The following MRPL3 variants were observed in gnomAD, a reference collection of about 807,000 sequenced individuals.
MRPL3 encodes large ribosomal subunit protein uL3m.
In MRPL3, 43 loss-of-function variants were observed where a neutral mutation model predicts 44.3. The ratio of observed to expected loss-of-function variants is 0.97; its 90% confidence interval spans 0.76 to 1.25. MRPL3 has a LOEUF of 1.25. Among genes scored for constraint, MRPL3 ranks in the 50% most tolerant of loss-of-function variants. The pLI, the probability that MRPL3 is intolerant of heterozygous loss-of-function variation, is 0.00. For missense variants in MRPL3, 406 were observed against 427.6 expected (o/e 0.95, Z 0.45); for synonymous variants, 171 against 152.3 (o/e 1.12, Z -0.91).
At chr3:131,494,591 T>C (rs1472051857) in intron 4 of MRPL3, among the ~76,000 whole-genome samples, 1 of 152,144 alleles carries the variant, frequency 6.6e-6, no homozygotes, top group Non-Finnish European at 1.5e-5. Flanking sequence ...ACAGACAATA[T>C]ATATAAACAT....
intron 9 of MRPL3, among the ~76,000 whole-genome samples, chr3:131,467,532 C>T (rs560575052): frequency 2.6e-4 from 39 of 152,094 alleles, no homozygotes; most frequent in African/African-American, 8.9e-4. Context: ...GGGCAGACTT[C>T]CCCCTTGCTG....
Position 131,489,642 on chromosome 3 carries a change from C to A in MRPL3, c.568+339G>T, listed in dbSNP as rs547724626. The stretch of plus-strand genomic sequence containing the variant: ...TATTATATTTTCTCCAGTTCTTCTA[C>A]CTAAGCAAGAGCCTGGCTATTTTTC... On this transcript the variant is annotated intron_variant, in intron 5 of 9. Coordinates refer to ENST00000264995, the MANE Select transcript of MRPL3 (RefSeq NM_007208.4). Among the ~76,000 whole-genome samples, 3 of 151,976 alleles carry A rather than the reference C, an allele frequency of 2.0e-5. No individual in the cohort carries two copies. The South Asian group carries it at 6.2e-4, about 31-fold the overall frequency.
intron 9 of MRPL3, among the ~76,000 whole-genome samples, chr3:131,467,852 T>C (rs1053661526): frequency 3.9e-5 from 6 of 152,078 alleles, no homozygotes; most frequent in Non-Finnish European, 8.8e-5. Context: ...TTGAAAGAAA[T>C]AGAATACAGG....
chr3:131,484,979 A>T (rs996813006), intron 6 of MRPL3, among the ~76,000 whole-genome samples: 5 of 152,188 alleles, frequency 3.3e-5, no homozygotes, highest in African/African-American at 1.2e-4. Flanking sequence ...TAGCCCATAT[A>T]ACAGTGGTGA....
chr3:131,482,212 C>A (rs571448729), intron 6 of MRPL3, among the ~76,000 whole-genome samples: 1 of 152,012 alleles, frequency 6.6e-6, no homozygotes, highest in South Asian at 2.1e-4. Context: ...TCCTCCACCC[C>A]CCTCCCCTTA....
At chr3:131,486,785 A>T (rs922637675) in intron 6 of MRPL3, among the ~76,000 whole-genome samples, 4 of 152,226 alleles carry the variant, frequency 2.6e-5, no homozygotes, top group Non-Finnish European at 5.9e-5. Flanking sequence ...CAGAATGGCA[A>T]TCATTAAAAA....
chr3:131,500,384 T>C (rs371177904), intron 3 of MRPL3, 46 bp downstream of exon 3: 95 of 1,478,568 alleles, frequency 6.4e-5, no homozygotes, highest in Non-Finnish European at 9.0e-5. Flanking sequence ...CACAAACAGA[T>C]CTTGAAACAC....
rs553954567 is a variant in MRPL3, at chr3:131,501,889, C to A, written c.93-174G>T. ...CTTTTCCTCACTCCCCACATTCCTT[C>A]GGATAAGGCTCACATTTAAACTGTT... On this transcript the variant is annotated intron_variant, in intron 1 of 9. Transcript: ENST00000264995. The A allele has an allele frequency of 1.8e-4, 276 of 1,538,708 alleles. No individual in the cohort carries two copies. The African/African-American group carries it at 3.2e-3, about 18-fold the overall frequency.
chr3:131,494,550 G>C (rs1343024544), intron 4 of MRPL3, among the ~76,000 whole-genome samples: 1 of 152,014 alleles, frequency 6.6e-6, no homozygotes, highest in African/African-American at 2.4e-5. Flanking sequence ...AAGCTTCTGA[G>C]GAAAATCCTT....
chr3:131,495,807 G>GT (rs1486902114), intron 4 of MRPL3, among the ~76,000 whole-genome samples: 1 of 151,982 alleles, frequency 6.6e-6, no homozygotes, highest in Non-Finnish European at 1.5e-5. Flanking sequence ...CTCCAAACTT[G>GT]TTTTTTCTTG....
At chr3:131,488,432 A>T (rs1934178317) in intron 5 of MRPL3, among the ~76,000 whole-genome samples, 1 of 152,176 alleles carries the variant, frequency 6.6e-6, no homozygotes, top group Non-Finnish European at 1.5e-5. Flanking sequence ...TTTGTGATGA[A>T]TCAAAGCCCT....
intron 9 of MRPL3, 60 bp from the exon 10 acceptor site, chr3:131,462,935 G>A (rs1162514678): frequency 9.2e-6 from 13 of 1,416,132 alleles, no homozygotes; most frequent in Non-Finnish European, 1.2e-5. Flanking sequence ...AGACTTTTCA[G>A]CTATTATTCA....
intron 5 of MRPL3, chr3:131,488,565 T>C (rs887921959): frequency 6.6e-6 from 1 of 152,050 alleles, no homozygotes; most frequent in African/African-American, 2.4e-5. Flanking sequence ...TATAAGAATA[T>C]AAGACATGGC....
chr3:131,502,846 C>T lies in MRPL3; in HGVS notation c.-25G>A, dbSNP rs748976580. On this transcript the variant is annotated 5_prime_UTR_variant, in exon 1 of 10. Transcript: ENST00000264995. ...TGGATTAGCCCGGGAAGACTCGACTCACGACTTCCGGGCGCCCTGCCGCTC... is the reference window on the plus strand; with the variant it reads ...TGGATTAGCCCGGGAAGACTCGACTTACGACTTCCGGGCGCCCTGCCGCTC... 9 of 1,606,258 alleles carry T rather than the reference C, an allele frequency of 5.6e-6. No individual in the cohort carries two copies. Among genetic ancestry groups the T allele is most frequent in the Non-Finnish European group, 7.7e-6 (9 of 1,176,388 alleles).
At chr3:131,487,908 C>T (rs554680284) in intron 5 of MRPL3, among the ~76,000 whole-genome samples, 168 bp from the exon 6 acceptor site, 1 of 152,140 alleles carries the variant, frequency 6.6e-6, no homozygotes, top group Non-Finnish European at 1.5e-5. Context: ...ACAAATATGT[C>T]TTTTGATTGA....
intron 4 of MRPL3, among the ~76,000 whole-genome samples, chr3:131,492,573 A>C (rs1486694164): frequency 3.3e-5 from 5 of 152,164 alleles, no homozygotes; most frequent in African/African-American, 1.2e-4. Context: ...GCTGCCACTG[A>C]TCTGACTGAC....
At chr3:131,479,222 A>G (rs1233729642) in intron 6 of MRPL3, 1 of 516,112 alleles carries the variant, frequency 1.9e-6, no homozygotes, top group South Asian at 1.4e-5. Context: ...GGCAAGGTCT[A>G]CGAGTATGCC....
At chr3:131,488,123 T>G (rs1309750315) in intron 5 of MRPL3, among the ~76,000 whole-genome samples, 1 of 152,218 alleles carries the variant, frequency 6.6e-6, no homozygotes, top group Non-Finnish European at 1.5e-5. Context: ...TTAAATATCC[T>G]GCACCCATTG....
intron 6 of MRPL3, among the ~76,000 whole-genome samples, chr3:131,483,226 C>T (rs1412791149): frequency 6.6e-6 from 1 of 152,002 alleles, no homozygotes; most frequent in African/African-American, 2.4e-5. Context: ...AGAGCAAGAA[C>T]ATAAACCTTA....
Sources: gnomAD v4.1 joint callset for allele counts (sites outside exome capture counted in the v4.1 genomes callset) on GRCh38, gnomAD v4.1.1 for gene constraint, MANE v1.5 for transcripts, NCBI Gene and HGNC (gene_info 2026-07-23, HGNC 2026-07-21) for gene names.